The following NUP214 variants were observed in gnomAD, a reference collection of about 807,000 sequenced individuals.
The protein encoded by NUP214 is nucleoporin 214.
In NUP214, 79 loss-of-function variants were observed where a neutral mutation model predicts 196.2. That is an observed-to-expected ratio of 0.40 (90% CI 0.34 to 0.49). The LOEUF is 0.49. Among genes scored for constraint, NUP214 ranks in the 20% least tolerant of loss-of-function variants. The probability of loss-of-function intolerance (pLI) is 0.58; values close to 1 mark genes in which losing one functional copy is unlikely to be tolerated. For missense variants in NUP214, 2,468 were observed against 2,539.0 expected (o/e 0.97, Z 0.60); for synonymous variants, 1,020 against 990.5 (o/e 1.03, Z -0.56).
chr9:131,135,690 T>G (rs1254794976), intron 8 of NUP214, among the ~76,000 whole-genome samples: 1 of 152,260 alleles, frequency 6.6e-6, no homozygotes, highest in Non-Finnish European at 1.5e-5. Context: ...GAACTGTGAC[T>G]TGATTCTGTT....
At chr9:131,221,926 T>C (rs1834568662) in intron 31 of NUP214, among the ~76,000 whole-genome samples, 1 of 152,222 alleles carries the variant, frequency 6.6e-6, no homozygotes, top group Non-Finnish European at 1.5e-5. Flanking sequence ...TATGTGGACT[T>C]TGTCTGTTTA....
At position 131,232,213 on chromosome 9, in the gene NUP214, CTT is replaced by C. The variant is rs1834899932; in HGVS notation, c.6215-70_6215-69del. 6.4e-7 allele frequency: 1 copy of C among 1,556,694 alleles called. No homozygotes were observed. Among genetic ancestry groups the C allele is most frequent in the Non-Finnish European group, 8.9e-7 (1 of 1,127,644 alleles). ...CAAGAAGCACAGAGGAGGGCAGACACTTAGCATGGGGACCACCTTTGTCTTTC... is the reference window on the plus strand; with the variant it reads ...CAAGAAGCACAGAGGAGGGCAGACACAGCATGGGGACCACCTTTGTCTTTC... On this transcript the variant is annotated intron_variant, in intron 34 of 35. Transcript: ENST00000359428. This position sits in a 1 kb window ranked among gnomAD's most constrained non-coding sequence, Gnocchi z 5.1.
chr9:131,231,509 TAGAACACTGTGTCATTTCTTACCAA>T (rs1834878201), intron 34 of NUP214, among the ~76,000 whole-genome samples: 1 of 151,784 alleles, frequency 6.6e-6, no homozygotes, highest in African/African-American at 2.4e-5. Context: ...TAGTTAGACT[TAGAACACTGTGTCATTTCTTACCAA>T]AGAAATTACT....
intron 17 of NUP214, among the ~76,000 whole-genome samples, chr9:131,152,989 T>C (rs913909646): frequency 6.6e-6 from 1 of 152,130 alleles, no homozygotes; most frequent in South Asian, 2.1e-4. Context: ...TTATCCAGGC[T>C]GGTCTCGAAC....
chr9:131,175,669 C>CT (rs780897012), intron 23 of NUP214, 48 bp downstream of exon 23: 6 of 1,588,474 alleles, frequency 3.8e-6, no homozygotes, highest in South Asian at 3.4e-5. Context: ...TATGAGCTGT[C>CT]TGAGTCACAG....
rs747833814 is a variant in NUP214 at position 131,174,157 on chromosome 9, C to G, written c.2996C>G (p.Ala999Gly). The change falls in exon 22 of 36, where the codon GCA (alanine) becomes GGA (glycine). Residue 999 changes from alanine to glycine, a missense_variant. Ala to Gly is a moderately conservative substitution (Grantham distance 60, BLOSUM62 0). Around this residue, in one of 5 missense-constraint regions of NUP214, gnomAD observed 1,801 missense variants for 1,779.4 expected, o/e 1.01. Coordinates refer to ENST00000359428, the MANE Select transcript of NUP214 (RefSeq NM_005085.4). ...SVSQSLESEDARTSCKDDEAV... is the reference protein window; with the variant it reads ...SVSQSLESEDGRTSCKDDEAV... ...TCCCAGTCTCTGGAGAGTGAAGATG[C>G]ACGGACGTCCTGTAAAGATGACGAG... is the stretch of plus-strand genomic sequence containing the variant. 3 of 1,613,786 alleles carry G rather than the reference C, an allele frequency of 1.9e-6. No homozygotes were observed. Among genetic ancestry groups the G allele is most frequent in the Non-Finnish European group, 2.5e-6 (3 of 1,179,946 alleles).
At chr9:131,216,786 C>G (rs958707658) in intron 31 of NUP214, among the ~76,000 whole-genome samples, 1 of 152,162 alleles carries the variant, frequency 6.6e-6, no homozygotes, top group African/African-American at 2.4e-5. Flanking sequence ...CTCAGCCTCC[C>G]AAAGTGCTGG....
chr9:131,209,724 T>C (rs561879735), intron 30 of NUP214, among the ~76,000 whole-genome samples: 3 of 152,322 alleles, frequency 2.0e-5, no homozygotes, highest in Admixed American at 2.0e-4. Flanking sequence ...AAAACTCAGA[T>C]TGGGATCTGA....
intron 30 of NUP214, among the ~76,000 whole-genome samples, chr9:131,214,792 C>A (rs908314467): frequency 1.3e-5 from 2 of 152,200 alleles, no homozygotes; most frequent in African/African-American, 4.8e-5. Context: ...CACTTATCAT[C>A]CATTGCTAAT....
chr9:131,184,477 G>A (rs1193822500), intron 24 of NUP214, among the ~76,000 whole-genome samples: 2 of 151,534 alleles, frequency 1.3e-5, no homozygotes, highest in Non-Finnish European at 2.9e-5. Context: ...GGGACTACAG[G>A]CACCTGCCAC....
chr9:131,190,330 G>GT (rs2131028862), intron 26 of NUP214: 1 of 589,714 alleles, frequency 1.7e-6, no homozygotes, highest in African/African-American at 1.9e-5. Context: ...CACTCTTGGA[G>GT]TTAGAATCAA....
At chr9:131,178,281 A>G (rs887911665) in intron 23 of NUP214, 30 bp from the exon 24 acceptor site, 2 of 1,532,890 alleles carry the variant, frequency 1.3e-6, no homozygotes, top group African/African-American at 1.4e-5. Context: ...TGGAATTAAT[A>G]TGGTGTTCTC....
At chr9:131,130,631 T>C (rs888435432) in intron 4 of NUP214, 135 bp from the exon 5 acceptor site, 2 of 764,188 alleles carry the variant, frequency 2.6e-6, no homozygotes, top group Non-Finnish European at 4.3e-6. Context: ...TTTTTCCACT[T>C]TGCCTGATAG....
intron 34 of NUP214, among the ~76,000 whole-genome samples, chr9:131,231,979 G>A (rs1834892211): frequency 6.6e-6 from 1 of 151,454 alleles, no homozygotes; most frequent in Admixed American, 6.6e-5. Context: ...ACAGCTGAGA[G>A]GCCAAGCCAG....
At chr9:131,195,412 T>A in intron 28 of NUP214, 118 bp downstream of exon 28, 1 of 800,342 alleles carries the variant, frequency 1.2e-6, no homozygotes. Flanking sequence ...GTATCTGCAA[T>A]AAGCTCAGTG....
intron 31 of NUP214, among the ~76,000 whole-genome samples, chr9:131,220,571 A>G (rs1834531545): frequency 6.6e-6 from 1 of 152,214 alleles, no homozygotes; most frequent in Non-Finnish European, 1.5e-5. Context: ...TGTGGAAGGA[A>G]GAGGTTGAAG....
At chr9:131,150,157 T>C in intron 14 of NUP214, 167 bp from the exon 15 acceptor site, 2 of 621,814 alleles carry the variant, frequency 3.2e-6, no homozygotes, top group African/African-American at 3.7e-5. Flanking sequence ...CTGCACTGTC[T>C]AGAACATGCC....
chr9:131,162,977 ATTG>A lies in NUP214; in HGVS notation c.2541-9_2541-7del. 1.2e-6 allele frequency: 2 copies of A among 1,613,342 alleles called. No homozygotes were observed. The highest frequency in any genetic ancestry group is 1.7e-6 in the Non-Finnish European group (2 of 1,179,672). ...ACCATTCATGTTTAATTCTTTTCTC[ATTG>A]TTGTCAACAGGCACCTGCTTGTGCC... On this transcript the variant is annotated splice_polypyrimidine_tract_variant and intron_variant, in intron 18 of 35. Transcript: ENST00000359428.
chr9:131,203,435 A>G (rs1463722555), intron 30 of NUP214, among the ~76,000 whole-genome samples: 2 of 152,250 alleles, frequency 1.3e-5, no homozygotes, highest in Non-Finnish European at 2.9e-5. Context: ...GCCCTTATGA[A>G]GAAAGATACC....
Sources: gnomAD v4.1 joint callset for allele counts (sites outside exome capture counted in the v4.1 genomes callset) on GRCh38, gnomAD v4.1.1 for gene constraint, gnomAD v4.1.1 regional missense constraint, Gnocchi (gnomAD v3.1) non-coding constraint, MANE v1.5 for transcripts, NCBI Gene and HGNC (gene_info 2026-07-23, HGNC 2026-07-21) for gene names.